SLC24A2: variants seen among roughly 807,000 people sequenced by gnomAD.
SLC24A2 encodes solute carrier family 24 member 2, also known as sodium/potassium/calcium exchanger 2.
Under a neutral mutation model 62.0 loss-of-function variants are expected in SLC24A2, and 36 were observed. The ratio of observed to expected loss-of-function variants is 0.58; its 90% CI spans 0.44 to 0.77. The LOEUF is 0.77. SLC24A2 is among the 30% of genes least tolerant of loss of function. SLC24A2 has a pLI of 0.00. For missense variants in SLC24A2, 846 were observed against 817.9 expected, an observed-to-expected ratio of 1.03 and a Z score of -0.42; for synonymous variants, 358 against 294.0, an observed-to-expected ratio of 1.22 and a Z score of -2.23.
At chr9:19,785,812 G>C (rs1823146985) in intron 2 of SLC24A2, 125 bp downstream of exon 2, 2 of 1,272,938 alleles carry the variant, frequency 1.6e-6, no homozygotes, top group Admixed American at 1.9e-5. Context: ...CAGAACTGCA[G>C]AATCAATCTG....
At chr9:19,607,886 A>G (rs558678702) in intron 4 of SLC24A2, among the ~76,000 whole-genome samples, 73 of 152,204 alleles carry the variant, frequency 4.8e-4, no homozygotes, top group Non-Finnish European at 7.2e-4. Context: ...CTCAAATAAC[A>G]TTAATTTATA....
chr9:20,021,250 G>A, the SLC24A2 span, among the ~76,000 whole-genome samples: 10 of 152,004 alleles, frequency 6.6e-5, no homozygotes, highest in Non-Finnish European at 1.3e-4. Context: ...ATGTTAGCGT[G>A]TAGTATGTGT....
chr9:19,550,469 T>C (rs4977556), intron 7 of SLC24A2, among the ~76,000 whole-genome samples: 128,169 of 152,190 alleles, frequency 0.84, 54,216 homozygotes, highest in East Asian at 1. Flanking sequence ...GCCATGAGCA[T>C]GTAAGAATTT....
At position 19,621,931 on chromosome 9, in the gene SLC24A2, C is replaced by A. The variant is rs558601221; in HGVS notation, c.969+330G>T. On this transcript the variant is annotated intron_variant, in intron 3 of 10. Transcript: ENST00000341998. ...AGAAAACAAATATTGAGCATTAGAT[C>A]CCACACTACCCCCAAATATTAGTTC... Among the ~76,000 whole-genome samples, 8 of 152,218 alleles carry A rather than the reference C, an allele frequency of 5.3e-5. No homozygotes were observed. In the South Asian group the frequency reaches 1.0e-3, roughly 20 times the overall value.
chr9:20,041,622 A>G, the SLC24A2 span, among the ~76,000 whole-genome samples: 1 of 152,228 alleles, frequency 6.6e-6, no homozygotes, highest in African/African-American at 2.4e-5. Context: ...ACATGGACCC[A>G]ACCCAACAAA....
chr9:19,907,856 C>G, the SLC24A2 span, among the ~76,000 whole-genome samples: 4 of 152,288 alleles, frequency 2.6e-5, no homozygotes, highest in African/African-American at 9.6e-5. Context: ...AAGGGAAGAA[C>G]ATTCCATGCT....
At chr9:19,525,391 CT>C (rs572919824) in intron 9 of SLC24A2, among the ~76,000 whole-genome samples, 822 of 76,290 alleles carry the variant, frequency 0.011, 10 homozygotes, top group African/African-American at 0.04. Flanking sequence ...TATTTCTTTA[CT>C]TTTTTTTTTT....
the SLC24A2 span, among the ~76,000 whole-genome samples, chr9:19,952,423 T>C: frequency 6.6e-6 from 1 of 152,170 alleles, no homozygotes; most frequent in East Asian, 1.9e-4. Context: ...CTGTGTATCT[T>C]AGCTGTAGTT....
the SLC24A2 span, among the ~76,000 whole-genome samples, chr9:19,921,768 C>A: frequency 1.3e-5 from 2 of 152,052 alleles, no homozygotes; most frequent in Non-Finnish European, 2.9e-5. Context: ...GGGAACTCTA[C>A]GGTACAAGGC....
Position 19,684,411 on chromosome 9 carries a change from C to A in SLC24A2, c.931-62112G>T, listed in dbSNP as rs993194717. 3.3e-5 allele frequency among the ~76,000 whole-genome samples: 5 copies of A among 152,026 alleles called. 1 individual carries two copies. In the South Asian group the frequency reaches 1.0e-3, roughly 31 times the overall value. ...TGATGCTCTTTTTGATCAACATGAT[C>A]AAAACTAGTTTCCGTGATGATCAAA... On this transcript the variant is annotated intron_variant, in intron 2 of 10. Transcript: ENST00000341998.
At chr9:20,306,363 G>A in the SLC24A2 span, among the ~76,000 whole-genome samples, 3 of 152,240 alleles carry the variant, frequency 2.0e-5, no homozygotes, top group Admixed American at 6.5e-5. Context: ...AAGGCCCAAA[G>A]CAAAGCAATT....
chr9:20,214,109 G>A, the SLC24A2 span, among the ~76,000 whole-genome samples: 1 of 152,102 alleles, frequency 6.6e-6, no homozygotes, highest in Non-Finnish European at 1.5e-5. Flanking sequence ...ATCTGTCAAT[G>A]AACATTTAAG....
intron 2 of SLC24A2, among the ~76,000 whole-genome samples, chr9:19,696,454 G>A (rs12682926): frequency 0.012 from 1,881 of 152,226 alleles, 34 homozygotes; most frequent in East Asian, 0.092. Context: ...CACTCTGTAC[G>A]CCATGCTTGT....
At chr9:19,618,520 C>T (rs938481352) in intron 4 of SLC24A2, among the ~76,000 whole-genome samples, 1 of 152,128 alleles carries the variant, frequency 6.6e-6, no homozygotes, top group African/African-American at 2.4e-5. Context: ...GTGTTCCTTA[C>T]CTATTATTCT....
chr9:20,043,772 A>G, the SLC24A2 span, among the ~76,000 whole-genome samples: 19 of 152,338 alleles, frequency 1.2e-4, no homozygotes, highest in East Asian at 3.7e-3. Context: ...TTGAGATGCA[A>G]TATGCTTCTG....
chr9:19,665,135 G>A (rs901457271), intron 2 of SLC24A2, among the ~76,000 whole-genome samples: 30 of 152,162 alleles, frequency 2.0e-4, no homozygotes, highest in African/African-American at 6.5e-4. Context: ...GAGGAAAGCC[G>A]GTGAGAAGCA....
At chr9:19,719,649 A>T (rs1008746079) in intron 2 of SLC24A2, among the ~76,000 whole-genome samples, 1 of 152,242 alleles carries the variant, frequency 6.6e-6, no homozygotes, top group African/African-American at 2.4e-5. Flanking sequence ...GGAAAGTTTC[A>T]TTTTTAAAAT....
the SLC24A2 span, among the ~76,000 whole-genome samples, chr9:19,875,551 A>T: frequency 6.6e-6 from 1 of 152,186 alleles, no homozygotes; most frequent in East Asian, 1.9e-4. Context: ...GAATATCAAG[A>T]TTATCCTTAT....
rs1832837487 is a variant in SLC24A2, at chr9:19,514,073, T to C, written c.*2080A>G. 1 of 152,146 alleles carries C rather than the reference T, an allele frequency of 6.6e-6. No individual in the cohort carries two copies. The highest frequency in any genetic ancestry group is 2.4e-5 in the African/African-American group (1 of 41,434). 9.4% of individuals were successfully genotyped at this position (152,146 alleles called of 1,614,324 possible). On this transcript the variant is annotated 3_prime_UTR_variant, in exon 11 of 11. Transcript: ENST00000341998. ...AAAGCCAGCCTCCGACTGGCAGCCA[T>C]CTTGATTTCTTGTTTTCCCAGGGGG...
Sources: gnomAD v4.1 joint callset for allele counts (sites outside exome capture counted in the v4.1 genomes callset) on GRCh38, gnomAD v4.1.1 for gene constraint, MANE v1.5 for transcripts, NCBI Gene and HGNC (gene_info 2026-07-23, HGNC 2026-07-21) for gene names.